The following ZNF618 variants were observed in gnomAD, a reference collection of about 807,000 sequenced individuals.
ZNF618 encodes neural precursor cell expressed, developmentally down-regulated 10.
ZNF618 carries 34 observed loss-of-function variants against 103.0 expected under a neutral mutation model. The observed-to-expected ratio is 0.33, with a 90% confidence interval of 0.25 to 0.44. The LOEUF (loss-of-function observed/expected upper bound fraction) is 0.44. Among genes scored for constraint, ZNF618 ranks in the 20% least tolerant of loss-of-function variants. The probability of loss-of-function intolerance (pLI) is 1.00; values close to 1 mark genes in which losing one functional copy is unlikely to be tolerated. For synonymous variants in ZNF618, 551 were observed against 542.2 expected, an observed-to-expected ratio of 1.02 and a Z score of -0.23; for missense variants, 1,059 against 1,295.4, an observed-to-expected ratio of 0.82 and a Z score of 2.80.
intron 1 of ZNF618, among the ~76,000 whole-genome samples, chr9:113,935,299 C>T (rs533306931): frequency 5.3e-5 from 8 of 152,280 alleles, no homozygotes; most frequent in African/African-American, 1.4e-4. Flanking sequence ...CCAGCTGCAG[C>T]GGGTTCACTA....
intron 1 of ZNF618, among the ~76,000 whole-genome samples, chr9:113,887,009 G>T (rs1361184143): frequency 1.6e-5 from 2 of 123,274 alleles, no homozygotes; most frequent in African/African-American, 6.3e-5. Flanking sequence ...TAACAATGTG[G>T]CTACTAGGGA....
At chr9:113,878,388 C>G (rs1165905730) in intron 1 of ZNF618, among the ~76,000 whole-genome samples, 1 of 151,996 alleles carries the variant, frequency 6.6e-6, no homozygotes, top group Non-Finnish European at 1.5e-5. Flanking sequence ...CAAACAAAAG[C>G]CAAACCCAAG....
In ZNF618 at chr9:113,988,525, C is replaced by A. The variant is rs539214214; in HGVS notation, c.282C>A (p.Asp94Glu). The A allele has an allele frequency of 4.3e-6, 7 of 1,612,452 alleles. No individual in the cohort carries two copies. In the Admixed American group the frequency reaches 1.2e-4, roughly 27 times the overall value. ...KKAVSKDGTS[D>E]VPAEICVVIG... is the part of the protein sequence containing the mutation. ...CGGTCAGCAAGGATGGGACCAGCGACGTGCCTGCCGAGATCTGCGTGGTGA... is the reference window on the plus strand; with the variant it reads ...CGGTCAGCAAGGATGGGACCAGCGAAGTGCCTGCCGAGATCTGCGTGGTGA... The change falls in exon 3 of 15, where the codon GAC (aspartate) becomes GAA (glutamate). Residue 94 changes from aspartate to glutamate, a missense_variant. Transcript: ENST00000374126.
intron 1 of ZNF618, among the ~76,000 whole-genome samples, chr9:113,896,652 A>G (rs147410899): frequency 1.4e-3 from 214 of 152,120 alleles, no homozygotes; most frequent in African/African-American, 5.0e-3. Context: ...CAGATTCCCC[A>G]TAGGGCCTTA....
chr9:114,001,059 A>C (rs1841149803), intron 4 of ZNF618, among the ~76,000 whole-genome samples: 1 of 152,200 alleles, frequency 6.6e-6, no homozygotes, highest in Non-Finnish European at 1.5e-5. Flanking sequence ...AGGTGGCATC[A>C]GGCCTTCATG....
chr9:113,879,673 G>T (rs556964395), intron 1 of ZNF618, among the ~76,000 whole-genome samples: 1 of 151,986 alleles, frequency 6.6e-6, no homozygotes, highest in African/African-American at 2.4e-5. Context: ...ATTGGACTTG[G>T]GGGTGGTAAT....
At chr9:113,943,505 A>G (rs1834734455) in intron 1 of ZNF618, among the ~76,000 whole-genome samples, 1 of 152,046 alleles carries the variant, frequency 6.6e-6, no homozygotes, top group African/African-American at 2.4e-5. Flanking sequence ...GAGCTCCTGT[A>G]TCCCATCTCA....
rs151293008 is a variant in ZNF618 at position 113,975,328 on chromosome 9, A to G, written c.77+6168A>G. On this transcript the variant is annotated intron_variant, in intron 2 of 14. Transcript: ENST00000374126. ...CAGATGGTAAAATGGCTTTCAATGT[A>G]GCTAAGTCTTGTTCTTTAATTAAGC... is the stretch of plus-strand genomic sequence containing the variant. Among the ~76,000 whole-genome samples the G allele has an allele frequency of 4.8e-3, 730 of 152,316 alleles. 2 individuals carry two copies. The highest frequency in any genetic ancestry group is 0.017 in the African/African-American group (699 of 41,564).
At chr9:113,908,147 C>T (rs981302758) in intron 1 of ZNF618, among the ~76,000 whole-genome samples, 1 of 150,932 alleles carries the variant, frequency 6.6e-6, no homozygotes, top group Admixed American at 6.8e-5. Context: ...ATGTCTTGAG[C>T]CTTTGGCTTG....
At chr9:113,916,341 T>C (rs1374695293) in intron 1 of ZNF618, among the ~76,000 whole-genome samples, 1 of 152,240 alleles carries the variant, frequency 6.6e-6, no homozygotes, top group East Asian at 1.9e-4. Flanking sequence ...CGCATCTTTC[T>C]GCTAGAGTTC....
chr9:113,890,036 C>G (rs924504093), intron 1 of ZNF618, among the ~76,000 whole-genome samples: 1 of 152,192 alleles, frequency 6.6e-6, no homozygotes, highest in South Asian at 2.1e-4. Flanking sequence ...ATTCAGCCAA[C>G]TAATGTCAGG....
At chr9:113,884,930 G>A (rs1376561833) in intron 1 of ZNF618, among the ~76,000 whole-genome samples, 2 of 152,174 alleles carry the variant, frequency 1.3e-5, no homozygotes, top group Non-Finnish European at 2.9e-5. Context: ...TGCTTTTCCT[G>A]CCCTGTGTGT....
At chr9:113,925,903 G>C (rs1259453496) in intron 1 of ZNF618, among the ~76,000 whole-genome samples, 1 of 151,958 alleles carries the variant, frequency 6.6e-6, no homozygotes, top group Non-Finnish European at 1.5e-5. Context: ...ACTGTTATCT[G>C]TTAGGTAAGA....
intron 10 of ZNF618, among the ~76,000 whole-genome samples, chr9:114,027,762 G>A (rs1843640390): frequency 6.6e-6 from 1 of 152,090 alleles, no homozygotes; most frequent in South Asian, 2.1e-4. Flanking sequence ...CCTTCGCTAG[G>A]CAGGTCAGGG....
intron 10 of ZNF618, among the ~76,000 whole-genome samples, chr9:114,020,622 A>G (rs1842990917): frequency 6.6e-6 from 1 of 151,950 alleles, no homozygotes; most frequent in African/African-American, 2.4e-5. Context: ...TTGCCTATAA[A>G]AAAATCAATC....
intron 13 of ZNF618, among the ~76,000 whole-genome samples, chr9:114,042,814 G>A (rs1845330014): frequency 6.6e-6 from 1 of 152,230 alleles, no homozygotes; most frequent in South Asian, 2.1e-4. Context: ...GGGCGACAGA[G>A]CAAGACCCTA....
chr9:113,936,196 A>G (rs1339858288), intron 1 of ZNF618, among the ~76,000 whole-genome samples: 2 of 152,208 alleles, frequency 1.3e-5, no homozygotes, highest in African/African-American at 4.8e-5. Context: ...ACCAGGCTCC[A>G]GAGGCAGACA....
At chr9:114,015,922 A>G (rs547042843) in intron 9 of ZNF618, among the ~76,000 whole-genome samples, 1 of 152,352 alleles carries the variant, frequency 6.6e-6, no homozygotes, top group South Asian at 2.1e-4. Context: ...TTCAGGGCTC[A>G]CAGGAGCCAG....
intron 1 of ZNF618, among the ~76,000 whole-genome samples, chr9:113,935,927 G>A (rs538468243): frequency 3.3e-5 from 5 of 152,146 alleles, no homozygotes; most frequent in South Asian, 2.1e-4. Flanking sequence ...AGTGGGGAGC[G>A]TGGGTCATCT....
Sources: gnomAD v4.1 joint callset for allele counts (sites outside exome capture counted in the v4.1 genomes callset) on GRCh38, gnomAD v4.1.1 for gene constraint, MANE v1.5 for transcripts, NCBI Gene and HGNC (gene_info 2026-07-23, HGNC 2026-07-21) for gene names.